The following CPA6 variants were observed in gnomAD, a reference collection of about 807,000 sequenced individuals.
CPA6 encodes carboxypeptidase B.
In CPA6, 58 loss-of-function variants were observed where a neutral mutation model predicts 63.3. The observed-to-expected ratio is 0.92, with a 90% CI of 0.74 to 1.14. The LOEUF (loss-of-function observed/expected upper bound fraction) is 1.14, where lower values mean the gene tolerates loss of function less well. Ranked by LOEUF, CPA6 falls within the 50% of genes most tolerant of loss-of-function variation. The probability of loss-of-function intolerance (pLI) is 0.00; values close to 1 mark genes in which losing one functional copy is unlikely to be tolerated. For missense variants in CPA6, 565 were observed against 526.6 expected (o/e 1.07, Z -0.71); for synonymous variants, 185 against 179.0 (o/e 1.03, Z -0.27).
At chr8:67,474,270 T>C (rs1409564581) in intron 8 of CPA6, among the ~76,000 whole-genome samples, 2 of 152,092 alleles carry the variant, frequency 1.3e-5, no homozygotes, top group Non-Finnish European at 2.9e-5. Flanking sequence ...CGCCCAGACT[T>C]GAGTGCAGTG....
rs1818010005 is a variant in CPA6, at chr8:67,746,261, A to ATG, written c.-134_-133dup. 1 of 527,218 alleles carries ATG rather than the reference A, an allele frequency of 1.9e-6. No individual in the cohort carries two copies. The highest frequency in any genetic ancestry group is 3.2e-5 in the Admixed American group (1 of 30,942). The allele number at this position is 527,218 out of a possible 1,614,324, so 32.7% of individuals were successfully genotyped here. A position where few individuals can be genotyped will look rare whatever the true frequency, so the allele number is the denominator to read the frequency against. On this transcript the variant is annotated 5_prime_UTR_variant, in exon 1 of 11. Coordinates refer to ENST00000297770, the MANE Select transcript of CPA6 (RefSeq NM_020361.5). Reference sequence around the variant, plus strand: ...GCGAGGAAGGTTGAGAGTGAGCAAAATGTGACACTTCTCTCCAGCTACAAG... The same window carrying ATG: ...GCGAGGAAGGTTGAGAGTGAGCAAAATGTGTGACACTTCTCTCCAGCTACAAG...
chr8:67,698,541 T>C (rs1033137091), intron 1 of CPA6, among the ~76,000 whole-genome samples: 7 of 152,350 alleles, frequency 4.6e-5, no homozygotes, highest in African/African-American at 9.6e-5. Context: ...TTCTAAGAAA[T>C]ACTCAGTCTG....
chr8:67,503,484 T>G (rs1811869726), intron 6 of CPA6, among the ~76,000 whole-genome samples: 1 of 150,596 alleles, frequency 6.6e-6, no homozygotes, highest in African/African-American at 2.4e-5. Context: ...TTTTTTTTTT[T>G]TTTTGTAGAG....
At chr8:67,569,143 T>C (rs1349515189) in intron 2 of CPA6, among the ~76,000 whole-genome samples, 1 of 152,112 alleles carries the variant, frequency 6.6e-6, no homozygotes, top group Non-Finnish European at 1.5e-5. Context: ...AAGTCCCAAT[T>C]AAATTCAACT....
At chr8:67,539,635 A>G (rs1362043921) in intron 2 of CPA6, among the ~76,000 whole-genome samples, 5 of 152,208 alleles carry the variant, frequency 3.3e-5, no homozygotes, top group Admixed American at 1.3e-4. Context: ...AGGTATGCCA[A>G]TCAAATGTAG....
intron 2 of CPA6, among the ~76,000 whole-genome samples, chr8:67,572,076 A>G (rs1813499304): frequency 6.6e-6 from 1 of 152,252 alleles, no homozygotes; most frequent in South Asian, 2.1e-4. Flanking sequence ...GGAGAAACTT[A>G]GAGGAAACAG....
intron 2 of CPA6, among the ~76,000 whole-genome samples, chr8:67,538,735 C>G (rs906613493): frequency 6.6e-6 from 1 of 151,736 alleles, no homozygotes; most frequent in Non-Finnish European, 1.5e-5. Context: ...TCTCGGCTCA[C>G]TGCAAGCACC....
chr8:67,710,836 T>C (rs1817245025), intron 1 of CPA6, among the ~76,000 whole-genome samples: 2 of 152,160 alleles, frequency 1.3e-5, no homozygotes, highest in South Asian at 2.1e-4. Context: ...TCAGAAGAAA[T>C]GGATTTAGTT....
chr8:67,716,941 C>T (rs1212669693), intron 1 of CPA6, among the ~76,000 whole-genome samples: 1 of 152,180 alleles, frequency 6.6e-6, no homozygotes, highest in Non-Finnish European at 1.5e-5. Flanking sequence ...TACCATTCCA[C>T]ACATGGTAGG....
chr8:67,627,006 T>G (rs946819909), intron 1 of CPA6, among the ~76,000 whole-genome samples: 1 of 152,208 alleles, frequency 6.6e-6, no homozygotes, highest in African/African-American at 2.4e-5. Flanking sequence ...TTTCTCATTT[T>G]TGTTACAAAA....
intron 2 of CPA6, among the ~76,000 whole-genome samples, chr8:67,599,614 T>C (rs1460433044): frequency 6.6e-6 from 1 of 152,194 alleles, no homozygotes; most frequent in Non-Finnish European, 1.5e-5. Context: ...TAATAAAACC[T>C]ATCAAAACAA....
At chr8:67,741,851 T>C (rs1017752557) in intron 1 of CPA6, among the ~76,000 whole-genome samples, 5 of 151,830 alleles carry the variant, frequency 3.3e-5, no homozygotes, top group African/African-American at 9.7e-5. Context: ...GCACAATAAA[T>C]GTAATGCACT....
intron 4 of CPA6, among the ~76,000 whole-genome samples, chr8:67,510,981 T>C (rs1812031948): frequency 6.6e-6 from 1 of 152,158 alleles, no homozygotes; most frequent in Non-Finnish European, 1.5e-5. Context: ...AACAGCTACC[T>C]TTTTGCTTAA....
chr8:67,716,928 G>A (rs1817394732), intron 1 of CPA6, among the ~76,000 whole-genome samples: 1 of 152,180 alleles, frequency 6.6e-6, no homozygotes. Flanking sequence ...ATAGTTAGCA[G>A]CATACCATTC....
At chr8:67,734,233 T>TG (rs1337968879) in intron 1 of CPA6, among the ~76,000 whole-genome samples, 2 of 151,282 alleles carry the variant, frequency 1.3e-5, no homozygotes, top group African/African-American at 2.4e-5. Flanking sequence ...TGTCAGGCAT[T>TG]GGGGGGAGCA....
intron 1 of CPA6, among the ~76,000 whole-genome samples, chr8:67,685,325 C>G (rs938126485): frequency 6.6e-6 from 1 of 152,052 alleles, no homozygotes; most frequent in Non-Finnish European, 1.5e-5. Flanking sequence ...CATTTAAAGG[C>G]TAGAATTGCT....
In CPA6 at chr8:67,555,682, G is replaced by T. The variant is rs961996005; in HGVS notation, c.193-37635C>A. ...GGGCAGCCTGGGCATCCCATTTGTA[G>T]CTGGTGTCTGAAGTGGGGCAGAATT... is the stretch of plus-strand genomic sequence containing the variant. On this transcript the variant is annotated intron_variant, in intron 2 of 10. Transcript: ENST00000297770. Among the ~76,000 whole-genome samples, 4 of 152,152 alleles carry T rather than the reference G, an allele frequency of 2.6e-5. No individual in the cohort carries two copies. In the East Asian group the frequency reaches 7.7e-4, roughly 29 times the overall value.
At chr8:67,681,200 C>CATTTTTTTTTT (rs1816586115) in intron 1 of CPA6, among the ~76,000 whole-genome samples, 1 of 89,896 alleles carries the variant, frequency 1.1e-5, no homozygotes, top group African/African-American at 6.2e-5. Flanking sequence ...CAAAGATTTT[C>CATTTTTTTTTT]TTTTTTTTTT....
chr8:67,435,524 G>T (rs537728537), intron 8 of CPA6, among the ~76,000 whole-genome samples: 13 of 152,122 alleles, frequency 8.5e-5, no homozygotes, highest in African/African-American at 2.9e-4. Context: ...GGGAGGCTCC[G>T]GCCTTCCTTG....
Sources: gnomAD v4.1 joint callset for allele counts (sites outside exome capture counted in the v4.1 genomes callset) on GRCh38, gnomAD v4.1.1 for gene constraint, MANE v1.5 for transcripts, NCBI Gene and HGNC (gene_info 2026-07-23, HGNC 2026-07-21) for gene names.